The following USP24 variants were observed in gnomAD, a reference collection of about 807,000 sequenced individuals.
USP24 encodes the protein ubiquitin specific peptidase 24, also known as ubiquitin carboxyl-terminal hydrolase 24.
A neutral mutation model predicts 361.6 loss-of-function variants in USP24; 97 were observed. That is an observed-to-expected ratio of 0.27 (90% CI 0.23 to 0.32). The LOEUF is 0.32. USP24 is among the 10% of genes least tolerant of loss of function. The pLI, the probability that USP24 is intolerant of heterozygous loss-of-function variation, is 1.00. For missense variants in USP24, 2,353 were observed against 3,165.6 expected, an observed-to-expected ratio of 0.74 and a Z score of 6.16; for synonymous variants, 1,098 against 1,124.6, an observed-to-expected ratio of 0.98 and a Z score of 0.47.
intron 58 of USP24, among the ~76,000 whole-genome samples, chr1:55,082,017 A>G (rs1645158186): frequency 6.6e-6 from 1 of 152,252 alleles, no homozygotes; most frequent in East Asian, 1.9e-4. Context: ...GGGATATTGT[A>G]AATTTCAACA....
intron 32 of USP24, among the ~76,000 whole-genome samples, chr1:55,127,851 C>A (rs1646479393): frequency 6.6e-6 from 1 of 152,096 alleles, no homozygotes; most frequent in African/African-American, 2.4e-5. Flanking sequence ...TTTACTATCA[C>A]CCCTTTTTTC....
chr1:55,182,266 G>A (rs1240340881), intron 1 of USP24, among the ~76,000 whole-genome samples: 1 of 152,094 alleles, frequency 6.6e-6, no homozygotes, highest in East Asian at 1.9e-4. Context: ...TGGCCAGGAT[G>A]GTCTCGATCT....
intron 7 of USP24, among the ~76,000 whole-genome samples, chr1:55,162,618 G>A (rs762256958): frequency 2.6e-5 from 4 of 152,038 alleles, no homozygotes; most frequent in Admixed American, 6.6e-5. Flanking sequence ...AACACTGAAG[G>A]CTTACTTGAA....
At position 55,093,966 on chromosome 1, in the gene USP24, C is replaced by T. The variant is rs746738780; in HGVS notation, c.6325G>A (p.Val2109Met). 6 of 1,613,804 alleles carry T rather than the reference C, an allele frequency of 3.7e-6. No individual in the cohort carries two copies. The highest frequency in any genetic ancestry group is 2.2e-5 in the East Asian group (1 of 44,876). Residue 2109 changes from valine (V) to methionine (M), a missense_variant, in exon 52 of 68, where the codon GTG (valine) becomes ATG (methionine). Coordinates refer to ENST00000294383, the MANE Select transcript of USP24 (RefSeq NM_015306.3). The part of the protein sequence containing the change: ...VKKGEKKGLF[V>M]EKMPARIYQM... ...TATATTCGAGCAGGCATTTTCTCCA[C>T]AAACAGTCCTTTCTTCTCGCCTTTT...
In USP24 at chr1:55,071,805, C is replaced by T. The variant is rs1253995198; in HGVS notation, c.7800+9G>A. On this transcript the variant is annotated intron_variant, in intron 67 of 67. Coordinates refer to ENST00000294383, the MANE Select transcript of USP24 (RefSeq NM_015306.3). ...CCCTTTGCACACAAGGACATGCTGA[C>T]CGTTATACCTGCTGTAGATGCCTGT... 7.5e-6 allele frequency: 12 copies of T among 1,608,696 alleles called. No individual in the cohort carries two copies. Among genetic ancestry groups the T allele is most frequent in the Non-Finnish European group, 1.0e-5 (12 of 1,177,168 alleles).
intron 55 of USP24, 61 bp from the exon 56 acceptor site, chr1:55,086,099 C>T: frequency 6.7e-7 from 1 of 1,490,928 alleles, no homozygotes; most frequent in South Asian, 1.1e-5. Flanking sequence ...CTCAACCTTC[C>T]CATGATAGGT....
chr1:55,151,325 T>C (rs1647185952), intron 16 of USP24, among the ~76,000 whole-genome samples: 1 of 152,226 alleles, frequency 6.6e-6, no homozygotes, highest in African/African-American at 2.4e-5. Context: ...TTTCTAAAAG[T>C]TATTTCCTCC....
intron 7 of USP24, 43 bp downstream of exon 7, chr1:55,165,842 G>A (rs1367086967): frequency 2.0e-6 from 3 of 1,513,858 alleles, no homozygotes; most frequent in Non-Finnish European, 9.0e-7. Flanking sequence ...CAACTCAAGT[G>A]AAATGAATTT....
chr1:55,197,594 A>C (rs546467753), intron 1 of USP24, among the ~76,000 whole-genome samples: 1 of 152,288 alleles, frequency 6.6e-6, no homozygotes, highest in South Asian at 2.1e-4. Context: ...CATAACATCA[A>C]ATACTGAGCT....
intron 16 of USP24, among the ~76,000 whole-genome samples, chr1:55,150,003 T>C (rs1449564133): frequency 6.6e-6 from 1 of 152,212 alleles, no homozygotes; most frequent in Non-Finnish European, 1.5e-5. Flanking sequence ...TCATACCCTG[T>C]GAAGGGCTGT....
chr1:55,185,515 G>A (rs1003640154), intron 1 of USP24, among the ~76,000 whole-genome samples: 1 of 151,918 alleles, frequency 6.6e-6, no homozygotes, highest in African/African-American at 2.4e-5. Context: ...AAAAGAAAGA[G>A]GATTCAAATT....
intron 57 of USP24, 92 bp from the exon 58 acceptor site, chr1:55,083,456 C>A: frequency 1.7e-6 from 2 of 1,184,318 alleles, no homozygotes; most frequent in South Asian, 3.0e-5. Flanking sequence ...TTTAAGGAGT[C>A]AATATATTTT....
chr1:55,212,961 G>A (rs1365649409), intron 1 of USP24, among the ~76,000 whole-genome samples: 1 of 152,198 alleles, frequency 6.6e-6, no homozygotes, highest in Non-Finnish European at 1.5e-5. Flanking sequence ...TGTACTGGCA[G>A]TAAGCTAAGG....
chr1:55,126,655 T>C (rs1646439131), intron 32 of USP24, among the ~76,000 whole-genome samples: 1 of 152,240 alleles, frequency 6.6e-6, no homozygotes, highest in South Asian at 2.1e-4. Context: ...AAGGAGTTTG[T>C]ACTAAAAACA....
chr1:55,179,757 C>A (rs1643908381), intron 1 of USP24, among the ~76,000 whole-genome samples: 1 of 152,132 alleles, frequency 6.6e-6, no homozygotes, highest in African/African-American at 2.4e-5. Flanking sequence ...ATCCCCAGGA[C>A]CTGGTGATTG....
At chr1:55,124,446 T>C (rs1646368707) in intron 35 of USP24, 23 bp downstream of exon 35, 1 of 1,599,220 alleles carries the variant, frequency 6.3e-7, no homozygotes, top group African/African-American at 1.3e-5. Context: ...GTGTTCTCAT[T>C]ACTGTCTCTT....
chr1:55,123,978 C>T (rs1646354739), intron 35 of USP24, among the ~76,000 whole-genome samples: 1 of 152,144 alleles, frequency 6.6e-6, no homozygotes, highest in Admixed American at 6.5e-5. Context: ...TTACTGTCTG[C>T]ACTTTACTGT....
intron 11 of USP24, 21 bp from the exon 12 acceptor site, chr1:55,157,072 G>C (rs1647750024): frequency 4.4e-6 from 7 of 1,584,204 alleles, no homozygotes; most frequent in Non-Finnish European, 6.1e-6. Flanking sequence ...AAACATGAGA[G>C]AGAAAGTCAG....
rs1241482367 is a variant in USP24 at position 55,153,811 on chromosome 1, AT to A, written c.1860+58del. ...TTATTTTAAAATTGTGGTGTAATTT[AT>A]TAAAGGAAATTATTAAACTAGTATA... is the stretch of plus-strand genomic sequence containing the variant. On this transcript the variant is annotated intron_variant, in intron 16 of 67. Transcript: ENST00000294383. 7 of 1,425,558 alleles carry A rather than the reference AT, an allele frequency of 4.9e-6. No individual in the cohort carries two copies. In the Middle Eastern group the frequency reaches 5.4e-4, roughly 110 times the overall value. 88.3% of individuals were successfully genotyped at this position (1,425,558 alleles called of 1,614,324 possible). A position where few individuals can be genotyped will look rare whatever the true frequency, so the allele number is the denominator to read the frequency against.
Sources: gnomAD v4.1 joint callset for allele counts (sites outside exome capture counted in the v4.1 genomes callset) on GRCh38, gnomAD v4.1.1 for gene constraint, MANE v1.5 for transcripts, NCBI Gene and HGNC (gene_info 2026-07-23, HGNC 2026-07-21) for gene names.